The following VWC2L variants were observed in gnomAD, a reference collection of about 807,000 sequenced individuals.
The protein encoded by VWC2L is von Willebrand factor C domain containing 2 like, also known as von Willebrand factor C domain-containing protein 2-like.
A neutral mutation model predicts 21.6 loss-of-function variants in VWC2L; 10 were observed. That is an observed-to-expected ratio of 0.46 (90% CI 0.29 to 0.78). The LOEUF (loss-of-function observed/expected upper bound fraction) is 0.78. Ranked by LOEUF, VWC2L falls within the 30% of genes least tolerant of loss-of-function variation. The pLI is 0.10. For synonymous variants in VWC2L, 96 were observed against 94.3 expected, an observed-to-expected ratio of 1.02 and a Z score of -0.10; for missense variants, 209 against 277.1, an observed-to-expected ratio of 0.75 and a Z score of 1.74.
intron 2 of VWC2L, among the ~76,000 whole-genome samples, chr2:214,430,068 C>T (rs1463668457): frequency 6.6e-6 from 1 of 152,050 alleles, no homozygotes; most frequent in African/African-American, 2.4e-5. Flanking sequence ...GTGTGCTGCA[C>T]CTGCCTCGGC....
intron 2 of VWC2L, among the ~76,000 whole-genome samples, chr2:214,423,446 G>A (rs538888768): frequency 1.1e-3 from 162 of 152,152 alleles, no homozygotes; most frequent in African/African-American, 3.8e-3. Flanking sequence ...ACTTTCCTGT[G>A]ATCTTTTTTC....
intron 3 of VWC2L, among the ~76,000 whole-genome samples, chr2:214,558,257 C>A (rs1170025037): frequency 6.6e-6 from 1 of 152,100 alleles, no homozygotes; most frequent in African/African-American, 2.4e-5. Context: ...ATGACAATGT[C>A]GTCCTAGGCC....
At chr2:214,446,828 T>C (rs1314967257) in intron 3 of VWC2L, among the ~76,000 whole-genome samples, 2 of 152,192 alleles carry the variant, frequency 1.3e-5, no homozygotes, top group African/African-American at 2.4e-5. Flanking sequence ...TGCAGGACGC[T>C]TGAGAGACTG....
At chr2:214,433,041 A>AT (rs892491567) in intron 2 of VWC2L, among the ~76,000 whole-genome samples, 1 of 150,798 alleles carries the variant, frequency 6.6e-6, no homozygotes, top group African/African-American at 2.5e-5. Flanking sequence ...AAAAAAAAAA[A>AT]GTATGTATTC....
chr2:214,430,253 A>G (rs1039582039), intron 2 of VWC2L, among the ~76,000 whole-genome samples: 1 of 152,152 alleles, frequency 6.6e-6, no homozygotes, highest in South Asian at 2.1e-4. Flanking sequence ...TGGGTACTTC[A>G]TCAGTTGTTT....
chr2:214,497,797 TCCC>T (rs1278518894), intron 3 of VWC2L, among the ~76,000 whole-genome samples: 1 of 152,172 alleles, frequency 6.6e-6, no homozygotes, highest in East Asian at 1.9e-4. Flanking sequence ...ACAAACTTCT[TCCC>T]CAAATATTCT....
intron 3 of VWC2L, among the ~76,000 whole-genome samples, chr2:214,477,862 C>T (rs1477390427): frequency 1.3e-5 from 2 of 152,236 alleles, no homozygotes; most frequent in Non-Finnish European, 2.9e-5. Flanking sequence ...TTTAAAATGT[C>T]ACTTTTGTTC....
At chr2:214,534,793 G>A (rs1689500595) in intron 3 of VWC2L, among the ~76,000 whole-genome samples, 3 of 152,094 alleles carry the variant, frequency 2.0e-5, no homozygotes, top group Middle Eastern at 3.2e-3. Context: ...CTGAAAGTCT[G>A]TGATTCTAAG....
At chr2:214,462,021 T>C (rs1211668191) in intron 3 of VWC2L, among the ~76,000 whole-genome samples, 1 of 152,196 alleles carries the variant, frequency 6.6e-6, no homozygotes, top group Non-Finnish European at 1.5e-5. Context: ...ATCGCATTAC[T>C]GTAGCCCTCT....
At chr2:214,454,045 T>C (rs1314634818) in intron 3 of VWC2L, among the ~76,000 whole-genome samples, 2 of 152,112 alleles carry the variant, frequency 1.3e-5, no homozygotes, top group African/African-American at 4.8e-5. Flanking sequence ...GTAGTTAGTA[T>C]GGATTTTTAA....
At chr2:214,430,905 T>C (rs1450502507) in intron 2 of VWC2L, among the ~76,000 whole-genome samples, 1 of 152,234 alleles carries the variant, frequency 6.6e-6, no homozygotes, top group Non-Finnish European at 1.5e-5. Flanking sequence ...TTGATGTCCA[T>C]AATTTGATGA....
intron 3 of VWC2L, among the ~76,000 whole-genome samples, chr2:214,446,972 G>A (rs1000933895): frequency 3.9e-5 from 6 of 152,094 alleles, no homozygotes; most frequent in East Asian, 1.9e-4. Context: ...CTTAAACCTC[G>A]TTCCTGTCTC....
chr2:214,493,122 G>A (rs1688767382), intron 3 of VWC2L, among the ~76,000 whole-genome samples: 1 of 152,116 alleles, frequency 6.6e-6, no homozygotes, highest in Non-Finnish European at 1.5e-5. Flanking sequence ...AATTACACTA[G>A]CACAAGTTAG....
Position 214,578,849 on chromosome 2 carries a change from T to C in VWC2L, c.*3029T>C, listed in dbSNP as rs1472783942. 1 of 150,350 alleles carries C rather than the reference T, an allele frequency of 6.7e-6. No individual in the cohort carries two copies. The highest frequency in any genetic ancestry group is 1.5e-5 in the Non-Finnish European group (1 of 67,644). The allele number at this position is 150,350 out of a possible 1,614,324, so 9.3% of individuals were successfully genotyped here. On this transcript the variant is annotated 3_prime_UTR_variant, in exon 4 of 4. Transcript: ENST00000312504. ...TTTGAAAAATGGCGTGCCTGAAAAC[T>C]AGTGAGAAAAAAAAAAAACCTAAAC... is the stretch of plus-strand genomic sequence containing the variant.
chr2:214,465,194 C>G (rs7565066), intron 3 of VWC2L, among the ~76,000 whole-genome samples: 4,181 of 152,274 alleles, frequency 0.027, 159 homozygotes, highest in African/African-American at 0.087. Flanking sequence ...TTTCCTCAGG[C>G]AGAAGGAGTA....
intron 2 of VWC2L, among the ~76,000 whole-genome samples, chr2:214,421,323 A>G (rs897383233): frequency 6.6e-6 from 1 of 152,228 alleles, no homozygotes; most frequent in Non-Finnish European, 1.5e-5. Flanking sequence ...TTCCAAATTA[A>G]TTCCCAAAGG....
At chr2:214,499,009 C>CTTT (rs56085205) in intron 3 of VWC2L, among the ~76,000 whole-genome samples, 6 of 83,422 alleles carry the variant, frequency 7.2e-5, no homozygotes, top group Non-Finnish European at 1.0e-4. Context: ...TCGTACCATT[C>CTTT]TTTTTTTTTT....
chr2:214,538,619 G>A (rs1285719055), intron 3 of VWC2L, among the ~76,000 whole-genome samples: 1 of 149,502 alleles, frequency 6.7e-6, no homozygotes, highest in Non-Finnish European at 1.5e-5. Flanking sequence ...TAGTATACAT[G>A]TTTAGTATAT....
chr2:214,551,880 A>G (rs529119843), intron 3 of VWC2L, among the ~76,000 whole-genome samples: 2 of 152,358 alleles, frequency 1.3e-5, no homozygotes, highest in South Asian at 4.1e-4. Flanking sequence ...CTCTAACTGC[A>G]TGCACTCACC....
Sources: gnomAD v4.1 joint callset for allele counts (sites outside exome capture counted in the v4.1 genomes callset) on GRCh38, gnomAD v4.1.1 for gene constraint, MANE v1.5 for transcripts, NCBI Gene and HGNC (gene_info 2026-07-23, HGNC 2026-07-21) for gene names.